CEP192: variants seen among roughly 807,000 people sequenced by gnomAD.
CEP192 encodes the protein centrosomal protein of 192 kDa.
In CEP192, 151 loss-of-function variants were observed where a neutral mutation model predicts 271.8. The ratio of observed to expected loss-of-function variants is 0.56; its 90% confidence interval spans 0.49 to 0.64. The LOEUF (loss-of-function observed/expected upper bound fraction) is 0.64, where lower values mean the gene tolerates loss of function less well. Among genes scored for constraint, CEP192 ranks in the 30% least tolerant of loss-of-function variants. The pLI is 0.00. For synonymous variants in CEP192, 995 were observed against 1,076.5 expected, an observed-to-expected ratio of 0.92 and a Z score of 1.48; for missense variants, 2,910 against 3,020.5, an observed-to-expected ratio of 0.96 and a Z score of 0.86.
intron 43 of CEP192, 120 bp downstream of exon 43, chr18:13,116,623 T>C: frequency 9.8e-7 from 1 of 1,022,508 alleles, no homozygotes; most frequent in East Asian, 2.9e-5. Context: ...TAATTTTTCT[T>C]TTTTTGGAGA....
At chr18:13,103,459 T>C (rs756670489) in intron 38 of CEP192, 50 bp from the exon 39 acceptor site, 110 of 1,452,364 alleles carry the variant, frequency 7.6e-5, no homozygotes, top group Non-Finnish European at 1.1e-4. Context: ...GTCATCTGCT[T>C]GTTCTCCAGT....
intron 30 of CEP192, among the ~76,000 whole-genome samples, chr18:13,074,299 G>A (rs946234796): frequency 6.6e-6 from 1 of 152,182 alleles, no homozygotes; most frequent in African/African-American, 2.4e-5. Flanking sequence ...GAGATGGGGT[G>A]GGCAAAGCTG....
intron 39 of CEP192, among the ~76,000 whole-genome samples, chr18:13,104,342 G>T (rs955176326): frequency 4.1e-4 from 63 of 152,072 alleles, no homozygotes; most frequent in African/African-American, 1.4e-3. Context: ...TCTCCACCAG[G>T]GTACCACCTG....
chr18:13,122,559 C>T (rs1050068712), intron 44 of CEP192, among the ~76,000 whole-genome samples: 1 of 150,122 alleles, frequency 6.7e-6, no homozygotes, highest in Admixed American at 6.7e-5. Context: ...CCAGCTTGGG[C>T]GACAGAGCGA....
chr18:13,032,666 C>T (rs962659655), intron 11 of CEP192, among the ~76,000 whole-genome samples: 6 of 152,168 alleles, frequency 3.9e-5, no homozygotes, highest in Non-Finnish European at 8.8e-5. Context: ...CAGAATAGGG[C>T]GTATGTATTC....
At chr18:13,106,373 A>G (rs953974503) in intron 40 of CEP192, among the ~76,000 whole-genome samples, 21 of 151,626 alleles carry the variant, frequency 1.4e-4, no homozygotes, top group Admixed American at 1.1e-3. Flanking sequence ...CACCCCACAC[A>G]GCTACCACCA....
chr18:13,107,122 C>G (rs1325705929), intron 40 of CEP192, among the ~76,000 whole-genome samples: 1 of 152,122 alleles, frequency 6.6e-6, no homozygotes, highest in African/African-American at 2.4e-5. Context: ...GGTACACATT[C>G]CCATTTTACA....
In CEP192 at chr18:13,029,664, A is replaced by T. The variant is rs2035503382; in HGVS notation, c.1052A>T (p.Glu351Val). The T allele has an allele frequency of 1.4e-6, 2 of 1,481,070 alleles. No individual in the cohort carries two copies. The highest frequency in any genetic ancestry group is 5.0e-5 in the East Asian group (2 of 40,052). 91.7% of individuals were successfully genotyped at this position (1,481,070 alleles called of 1,614,324 possible). Residue 351 changes from glutamate to valine, a missense_variant and splice_region_variant, in exon 10 of 45, where the codon GAA becomes GTA. Coordinates refer to ENST00000506447, the MANE Select transcript of CEP192 (RefSeq NM_032142.4). The part of the protein sequence containing the change: ...LKGIVPDLNS[E>V]CASKDVLVKT... ...AAAATCTGATTTTTTGTTTTAAAGG[A>T]ATGTGCAAGTAAAGATGTTCTGGTG...
chr18:13,044,700 C>T (rs1018443629), intron 15 of CEP192, among the ~76,000 whole-genome samples: 1 of 152,062 alleles, frequency 6.6e-6, no homozygotes, highest in Non-Finnish European at 1.5e-5. Context: ...TTGGATTTGG[C>T]GTGTGCTAAT....
At chr18:13,098,776 G>A (rs1023211832) in intron 36 of CEP192, among the ~76,000 whole-genome samples, 3 of 151,566 alleles carry the variant, frequency 2.0e-5, no homozygotes, top group Non-Finnish European at 4.4e-5. Flanking sequence ...CCCAGACGGG[G>A]TGGCGGCCGG....
chr18:13,116,810 C>T (rs1378170958), intron 43 of CEP192, among the ~76,000 whole-genome samples: 3 of 152,104 alleles, frequency 2.0e-5, no homozygotes, highest in Non-Finnish European at 4.4e-5. Flanking sequence ...GGGGTTTCAC[C>T]GTGTTAGCCA....
chr18:13,093,995 G>T (rs1317524666), intron 34 of CEP192, among the ~76,000 whole-genome samples: 9 of 152,212 alleles, frequency 5.9e-5, no homozygotes, highest in African/African-American at 2.2e-4. Flanking sequence ...TCTTACCAAT[G>T]ACCTTGATGT....
chr18:13,011,326 CT>C (rs1298691552), intron 4 of CEP192, among the ~76,000 whole-genome samples: 1 of 151,886 alleles, frequency 6.6e-6, no homozygotes, highest in Non-Finnish European at 1.5e-5. Flanking sequence ...AAAATAACGT[CT>C]TTGTGAGGAT....
chr18:13,080,034 T>A (rs951030879), intron 30 of CEP192, among the ~76,000 whole-genome samples: 5 of 152,226 alleles, frequency 3.3e-5, no homozygotes, highest in Non-Finnish European at 5.9e-5. Flanking sequence ...TTTTGGTTAC[T>A]GTAGGCTTGT....
intron 11 of CEP192, among the ~76,000 whole-genome samples, chr18:13,036,906 C>T (rs948139387): frequency 8.5e-5 from 13 of 152,224 alleles, no homozygotes; most frequent in Non-Finnish European, 1.8e-4. Context: ...GATGAAATTC[C>T]ACCAGCATTC....
chr18:13,093,072 T>C (rs527849930), intron 34 of CEP192, among the ~76,000 whole-genome samples: 22 of 152,010 alleles, frequency 1.4e-4, no homozygotes, highest in Non-Finnish European at 2.6e-4. Context: ...GGTAGGAGAA[T>C]GGTGTGAACC....
chr18:13,112,596 A>C (rs1483562216), intron 40 of CEP192, among the ~76,000 whole-genome samples: 5 of 152,178 alleles, frequency 3.3e-5, no homozygotes, highest in Admixed American at 3.3e-4. Flanking sequence ...ATAGTCCCGT[A>C]GTCCCCAGTG....
chr18:13,049,463 T>TTG lies in CEP192; in HGVS notation c.2673_2674dup (p.Gly892ValfsTer20). The stretch of plus-strand genomic sequence containing the variant: ...TCCATTGACAACAAATTACAAGATG[T>TTG]TGGTAACGATGAAAAAGCTACCTCA... On this transcript the variant is annotated frameshift_variant, in exon 16 of 45. Transcript: ENST00000506447. LOFTEE classifies it high-confidence loss of function. 1.9e-6 allele frequency: 3 copies of TTG among 1,614,108 alleles called. No individual in the cohort carries two copies. The highest frequency in any genetic ancestry group is 2.5e-6 in the Non-Finnish European group (3 of 1,179,998).
At chr18:13,065,145 C>T (rs1348202578) in intron 21 of CEP192, among the ~76,000 whole-genome samples, 1 of 150,342 alleles carries the variant, frequency 6.7e-6, no homozygotes, top group Non-Finnish European at 1.5e-5. Flanking sequence ...TGTAATTTTA[C>T]TGAAAGTTTT....
Sources: gnomAD v4.1 joint callset for allele counts (sites outside exome capture counted in the v4.1 genomes callset) on GRCh38, gnomAD v4.1.1 for gene constraint, MANE v1.5 for transcripts, NCBI Gene and HGNC (gene_info 2026-07-23, HGNC 2026-07-21) for gene names.